Variants in CYB5R2 observed in about 807,000 individuals in gnomAD.
CYB5R2 encodes NADH-cytochrome b5 reductase 2.
CYB5R2 carries 35 observed loss-of-function variants against 29.8 expected under a neutral mutation model. The observed-to-expected ratio is 1.17, with a 90% confidence interval of 0.90 to 1.56. The LOEUF (loss-of-function observed/expected upper bound fraction) is 1.56. Among genes scored for constraint, CYB5R2 ranks in the 40% most tolerant of loss-of-function variants. The pLI is 0.00. For synonymous variants in CYB5R2, 169 were observed against 130.6 expected (o/e 1.29, Z -2.01); for missense variants, 419 against 346.7 (o/e 1.21, Z -1.66).
At chr11:7,673,323 G>T in intron 1 of CYB5R2, 96 bp downstream of exon 1, 1 of 1,007,824 alleles carries the variant, frequency 9.9e-7, no homozygotes, top group Non-Finnish European at 1.2e-6. Flanking sequence ...CGTGACTTAG[G>T]GCCTGGGGAC....
At chr11:7,667,333 G>GGA (rs551895672) in intron 7 of CYB5R2, 4 of 145,914 alleles carry the variant, frequency 2.7e-5, no homozygotes, top group African/African-American at 1.0e-4. Context: ...AATGCTGAGT[G>GGA]AAAAAAAAAA....
In CYB5R2 at chr11:7,667,684, A is replaced by G. The variant is rs1295498889; in HGVS notation, c.558+44T>C. 2.6e-6 allele frequency: 4 copies of G among 1,524,486 alleles called. No homozygotes were observed. The Admixed American group carries it at 6.7e-5, about 25-fold the overall frequency. 94.4% of individuals were successfully genotyped at this position (1,524,486 alleles called of 1,614,324 possible). Reference sequence around the variant, plus strand: ...AGAAATGAAAACAAGAGCCCAGCTCAGCAAACATTCCATCCTACCACTGCA... The same window carrying G: ...AGAAATGAAAACAAGAGCCCAGCTCGGCAAACATTCCATCCTACCACTGCA... On this transcript the variant is annotated intron_variant, in intron 7 of 8. Transcript: ENST00000299498.
intron 3 of CYB5R2, 86 bp downstream of exon 3, chr11:7,672,365 G>A (rs1855797538): frequency 3.3e-6 from 4 of 1,194,114 alleles, no homozygotes; most frequent in Non-Finnish European, 4.9e-6. Context: ...CACACCTCAG[G>A]ACGTGGGAAA....
chr11:7,668,953 A>C, intron 5 of CYB5R2: 2 of 640,170 alleles, frequency 3.1e-6, no homozygotes, highest in Non-Finnish European at 5.7e-6. Flanking sequence ...TTTATGTATC[A>C]GGCATTGTGC....
intron 6 of CYB5R2, among the ~76,000 whole-genome samples, chr11:7,668,056 C>T (rs1855443356): frequency 6.6e-6 from 1 of 152,238 alleles, no homozygotes; most frequent in African/African-American, 2.4e-5. Context: ...CTTCAGTGTC[C>T]TCATTCATCA....
At chr11:7,666,331 G>C (rs1345954716) in intron 8 of CYB5R2, 120 bp downstream of exon 8, 1 of 679,014 alleles carries the variant, frequency 1.5e-6, no homozygotes, top group African/African-American at 1.8e-5. Flanking sequence ...CAGAGCCCCA[G>C]GCTTAACCCC....
At chr11:7,673,781 GCCCGCA>G, upstream of CYB5R2, 1 of 984,974 alleles carries the variant, frequency 1.0e-6, no homozygotes, top group South Asian at 4.7e-5. Flanking sequence ...CCCGCCGCGG[GCCCGCA>G]GACTCGTGGC....
At chr11:7,668,733 C>G (rs1019855615) in intron 5 of CYB5R2, 172 bp from the exon 6 acceptor site, 6 of 652,670 alleles carry the variant, frequency 9.2e-6, no homozygotes, top group Non-Finnish European at 1.7e-5. Flanking sequence ...CCCTGGTGCT[C>G]CAGTGCACAA....
chr11:7,668,641 C>G (rs1310795073), intron 5 of CYB5R2, 80 bp from the exon 6 acceptor site: 5 of 1,174,020 alleles, frequency 4.3e-6, no homozygotes, highest in Non-Finnish European at 6.4e-6. Flanking sequence ...TTCCTTAGGA[C>G]TCCCAGGAGG....
intron 4 of CYB5R2, 34 bp from the exon 5 acceptor site, chr11:7,669,368 C>A: frequency 6.3e-7 from 1 of 1,587,574 alleles, no homozygotes; most frequent in South Asian, 1.2e-5. Flanking sequence ...TTCACATTCC[C>A]AGACACAATG....
At chr11:7,666,264 A>G (rs997077011) in intron 8 of CYB5R2, 187 bp downstream of exon 8, 18 of 599,550 alleles carry the variant, frequency 3.0e-5, no homozygotes, top group African/African-American at 1.5e-4. Flanking sequence ...ATTGCCCTTA[A>G]AAGCAGGCCA....
Position 7,672,796 on chromosome 11 carries a change from G to A in CYB5R2, c.30C>T (p.Thr10=). Residue 10 remains threonine, a synonymous_variant, in exon 2 of 9, where the codon ACC becomes ACT. Coordinates refer to ENST00000299498, the MANE Select transcript of CYB5R2 (RefSeq NM_016229.5). ...GGTACTTGGCTTCAGGGTCCTGTAA[G>A]GTGATTGGCTCTCTCCTCCTGGAGT... MNSRRREPI[T]LQDPEAKYPL... is the part of the protein sequence containing the mutation. 6 of 1,614,186 alleles carry A rather than the reference G, an allele frequency of 3.7e-6. No individual in the cohort carries two copies. Among genetic ancestry groups the A allele is most frequent in the South Asian group, 1.1e-5 (1 of 91,076 alleles).
chr11:7,666,113 G>A (rs1565148921), intron 8 of CYB5R2: 1 of 622,392 alleles, frequency 1.6e-6, no homozygotes, highest in South Asian at 1.8e-5. Flanking sequence ...AGGGTGAGTG[G>A]TGAAGGGGTC....
intron 6 of CYB5R2, 46 bp downstream of exon 6, chr11:7,668,432 G>C (rs756764848): frequency 8.5e-6 from 12 of 1,410,758 alleles, no homozygotes; most frequent in Non-Finnish European, 1.1e-5. Flanking sequence ...AGTCAGAATG[G>C]GTCTCGGGGC....
Position 7,669,275 on chromosome 11 carries a change from C to T in CYB5R2, c.318G>A (p.Leu106=). The part of the protein sequence containing the change: ...YPEGGKMTQY[L]ENMKIGETIF... Reference sequence around the variant, plus strand: ...TGGTCTCCCCGATTTTCATGTTCTCCAAATACTGAGTCATCTTCCCACCTT... The same window carrying T: ...TGGTCTCCCCGATTTTCATGTTCTCTAAATACTGAGTCATCTTCCCACCTT... Residue 106 remains leucine, a synonymous_variant, in exon 5 of 9, where the codon TTG becomes TTA. Coordinates refer to ENST00000299498, the MANE Select transcript of CYB5R2 (RefSeq NM_016229.5). 6.2e-7 allele frequency: 1 copy of T among 1,614,148 alleles called. No homozygotes were observed. The highest frequency in any genetic ancestry group is 8.5e-7 in the Non-Finnish European group (1 of 1,180,006).
intron 1 of CYB5R2, 21 bp from the exon 2 acceptor site, chr11:7,672,912 A>G (rs1565158255): frequency 1.2e-6 from 2 of 1,601,186 alleles, no homozygotes; most frequent in East Asian, 2.3e-5. Flanking sequence ...CAATGTGAAC[A>G]GAGCACCTCA....
chr11:7,666,155 G>T lies in CYB5R2; in HGVS notation c.658+296C>A, dbSNP rs76856188. On this transcript the variant is annotated intron_variant, in intron 8 of 8. Coordinates refer to ENST00000299498, the MANE Select transcript of CYB5R2 (RefSeq NM_016229.5). ...CATATTAGATGTGTATGTGATGGCT[G>T]TGTGGAATGGGTGGGTGTTCACAGT... 2.8e-3 allele frequency: 1,668 copies of T among 601,614 alleles called. 25 individuals are homozygous for T. Among genetic ancestry groups the T allele is most frequent in the African/African-American group, 0.022 (1,187 of 54,058 alleles). 37.3% of individuals were successfully genotyped at this position (601,614 alleles called of 1,614,324 possible). A position where few individuals can be genotyped will look rare whatever the true frequency, so the allele number is the denominator to read the frequency against.
At chr11:7,670,443 T>G (rs1855658696) in intron 3 of CYB5R2, 1 of 152,320 alleles carries the variant, frequency 6.6e-6, no homozygotes, top group African/African-American at 2.4e-5. Context: ...ACTGGATGTA[T>G]CACTGAGATC....
chr11:7,666,672 C>T, intron 7 of CYB5R2, 122 bp from the exon 8 acceptor site: 1 of 616,054 alleles, frequency 1.6e-6, no homozygotes. Flanking sequence ...GTGCTCGCTG[C>T]CAACTCCCAC....
Sources: gnomAD v4.1 joint callset for allele counts (sites outside exome capture counted in the v4.1 genomes callset) on GRCh38, gnomAD v4.1.1 for gene constraint, MANE v1.5 for transcripts, NCBI Gene and HGNC (gene_info 2026-07-23, HGNC 2026-07-21) for gene names.